The following PIK3R5 variants were observed in gnomAD, a reference collection of about 807,000 sequenced individuals.
The protein encoded by PIK3R5 is phosphoinositide 3-kinase regulatory subunit 5.
PIK3R5 carries 32 observed loss-of-function variants against 94.9 expected under a neutral mutation model. The observed-to-expected ratio is 0.34, with a 90% CI of 0.25 to 0.45. The LOEUF is 0.45. Ranked by LOEUF, PIK3R5 falls within the 20% of genes least tolerant of loss-of-function variation. The pLI is 1.00. For synonymous variants in PIK3R5, 443 were observed against 479.4 expected, an observed-to-expected ratio of 0.92 and a Z score of 0.99; for missense variants, 853 against 1,144.6, an observed-to-expected ratio of 0.75 and a Z score of 3.68.
At chr17:8,942,741 G>A (rs527913720) in intron 1 of PIK3R5, among the ~76,000 whole-genome samples, 3 of 152,156 alleles carry the variant, frequency 2.0e-5, no homozygotes, top group South Asian at 4.2e-4. Flanking sequence ...GAGTAGCTGG[G>A]ACTACAGGCG....
At position 8,903,457 on chromosome 17, in the gene PIK3R5, AT is replaced by A. The variant is rs559199387; in HGVS notation, c.412+1319del. Among the ~76,000 whole-genome samples, 300 of 150,400 alleles carry A rather than the reference AT, an allele frequency of 2.0e-3. 2 individuals are homozygous for A. The highest frequency in any genetic ancestry group is 3.5e-3 in the Middle Eastern group (1 of 286). ...GTGCATAAATAAATCTTTCAAATAG[AT>A]TTTTTTATTTTCTTTATATATAAAT... On this transcript the variant is annotated intron_variant, in intron 5 of 18. Transcript: ENST00000447110.
intron 3 of PIK3R5, among the ~76,000 whole-genome samples, chr17:8,906,035 A>G (rs1202782515): frequency 6.6e-6 from 1 of 152,108 alleles, no homozygotes; most frequent in East Asian, 1.9e-4. Flanking sequence ...CATGTGCAGA[A>G]CGGGCAGGTT....
In PIK3R5 at chr17:8,955,803, A is replaced by G. The variant is rs1000331733; in HGVS notation, c.-14+9793T>C. Among the ~76,000 whole-genome samples, 2 of 152,158 alleles carry G rather than the reference A, an allele frequency of 1.3e-5. No individual in the cohort carries two copies. The highest frequency in any genetic ancestry group is 1.3e-4 in the Admixed American group (2 of 15,272). ...GGCTGGGAGTCTGGTTTCAGCAGAG[A>G]CAGAAATGGGGAAGTCTGCACAGGA... is the stretch of plus-strand genomic sequence containing the variant. On this transcript the variant is annotated intron_variant, in intron 1 of 18. Coordinates refer to ENST00000447110, the MANE Select transcript of PIK3R5 (RefSeq NM_001142633.3). This position sits in a 1 kb window ranked among gnomAD's most constrained non-coding sequence, Gnocchi z 4.4.
At position 8,904,746 on chromosome 17, in the gene PIK3R5, T is replaced by C. The variant is rs1183490207; in HGVS notation, c.412+31A>G. 1.2e-6 allele frequency: 2 copies of C among 1,611,496 alleles called. No individual in the cohort carries two copies. Among genetic ancestry groups the C allele is most frequent in the African/African-American group, 2.7e-5 (2 of 74,876 alleles). On this transcript the variant is annotated intron_variant, in intron 5 of 18. Coordinates refer to ENST00000447110, the MANE Select transcript of PIK3R5 (RefSeq NM_001142633.3). This position sits in a 1 kb window ranked among gnomAD's most constrained non-coding sequence, Gnocchi z 5.1. The stretch of plus-strand genomic sequence containing the variant: ...GGAAGCATTCTGACCTTCTGAGCCC[T>C]GTCCCCCGTGCCAGCTGCCTCAGTG...
intron 1 of PIK3R5, among the ~76,000 whole-genome samples, chr17:8,965,380 A>G (rs1400240761): frequency 6.6e-6 from 1 of 152,172 alleles, no homozygotes. Context: ...ACGCCCCTTA[A>G]GTCTCTGGGG....
chr17:8,899,931 G>A (rs1381492846), intron 5 of PIK3R5, among the ~76,000 whole-genome samples: 5 of 152,040 alleles, frequency 3.3e-5, no homozygotes, highest in Non-Finnish European at 4.4e-5. Flanking sequence ...CCAGCTACTC[G>A]GGAAGCTGAG....
intron 1 of PIK3R5, among the ~76,000 whole-genome samples, chr17:8,937,956 C>T (rs1348361044): frequency 2.0e-5 from 3 of 152,110 alleles, no homozygotes; most frequent in African/African-American, 7.2e-5. Context: ...ATTACAGGCA[C>T]CTGCCACCAC....
At position 8,945,567 on chromosome 17, in the gene PIK3R5, C is replaced by T. The variant is rs1032302977; in HGVS notation, c.-14+20029G>A. 6.6e-6 allele frequency among the ~76,000 whole-genome samples: 1 copy of T among 152,144 alleles called. No individual in the cohort carries two copies. Among genetic ancestry groups the T allele is most frequent in the African/African-American group, 2.4e-5 (1 of 41,426 alleles). On this transcript the variant is annotated intron_variant, in intron 1 of 18. Transcript: ENST00000447110. This position sits in a 1 kb window ranked among gnomAD's most constrained non-coding sequence, Gnocchi z 4.0. Reference sequence around the variant, plus strand: ...CTGGGAGTTTCTGCTAGACAGGAGGCAAAGCAGACATCTCAAATCCACCGT... The same window carrying T: ...CTGGGAGTTTCTGCTAGACAGGAGGTAAAGCAGACATCTCAAATCCACCGT...
At chr17:8,883,779 C>G (rs1301247251) in intron 15 of PIK3R5, among the ~76,000 whole-genome samples, 1 of 152,186 alleles carries the variant, frequency 6.6e-6, no homozygotes, top group African/African-American at 2.4e-5. Context: ...ATGCCTACCA[C>G]CCACTCCAGG....
chr17:8,929,145 C>T (rs1275055932), intron 1 of PIK3R5, among the ~76,000 whole-genome samples: 2 of 152,228 alleles, frequency 1.3e-5, no homozygotes, highest in South Asian at 2.1e-4. Context: ...AAAGAATGTT[C>T]AGTTAGTCCA....
At chr17:8,900,305 A>G (rs2090251837) in intron 5 of PIK3R5, among the ~76,000 whole-genome samples, 1 of 152,158 alleles carries the variant, frequency 6.6e-6, no homozygotes, top group South Asian at 2.1e-4. Flanking sequence ...AGCTCATCTC[A>G]GTTTCTTGGA....
chr17:8,891,034 AG>A (rs2090011581), intron 6 of PIK3R5, 122 bp from the exon 7 acceptor site: 1 of 938,668 alleles, frequency 1.1e-6, no homozygotes, highest in South Asian at 1.6e-5. Context: ...AAGCCCAGGC[AG>A]AGCTCGAGGA....
rs994584101 is a variant in PIK3R5 at position 8,889,919 on chromosome 17, C to T, written c.811+54G>A. 1.9e-6 allele frequency: 3 copies of T among 1,599,816 alleles called. No homozygotes were observed. Among genetic ancestry groups the T allele is most frequent in the South Asian group, 2.2e-5 (2 of 90,752 alleles). ...CCCGCCTGGACCGTGCACCTTGGGACCTAGAATAGGCCATGGGGAATGTGG... is the reference window on the plus strand; with the variant it reads ...CCCGCCTGGACCGTGCACCTTGGGATCTAGAATAGGCCATGGGGAATGTGG... On this transcript the variant is annotated intron_variant, in intron 8 of 18. Transcript: ENST00000447110. The surrounding 1 kb of genome is among the most constrained non-coding windows in gnomAD (Gnocchi z 4.1).
intron 5 of PIK3R5, among the ~76,000 whole-genome samples, chr17:8,902,845 A>ATT (rs2090316312): frequency 8.8e-6 from 1 of 113,492 alleles, no homozygotes; most frequent in Non-Finnish European, 1.8e-5. Context: ...TTTTAGATAG[A>ATT]ATTTTTTTTT....
At chr17:8,894,656 TG>T (rs1567640819) in intron 5 of PIK3R5, among the ~76,000 whole-genome samples, 2 of 152,190 alleles carry the variant, frequency 1.3e-5, no homozygotes, top group Non-Finnish European at 2.9e-5. Flanking sequence ...CGCTTTACAG[TG>T]TGCATTCAGT....
chr17:8,946,439 C>T (rs536136397), intron 1 of PIK3R5, among the ~76,000 whole-genome samples: 2 of 151,948 alleles, frequency 1.3e-5, no homozygotes, highest in South Asian at 4.2e-4. Flanking sequence ...GGAGATGGCG[C>T]CGTCTGCCAG....
intron 12 of PIK3R5, 130 bp from the exon 13 acceptor site, chr17:8,886,735 A>C (rs1391846380): frequency 2.8e-6 from 3 of 1,057,328 alleles, no homozygotes; most frequent in Non-Finnish European, 4.1e-6. Context: ...GGTGAGGTGG[A>C]AGCAGGAAGC....
rs148129311 is a variant in PIK3R5 at position 8,880,727 on chromosome 17, G to T, written c.2555C>A (p.Thr852Lys). 3.1e-6 allele frequency: 5 copies of T among 1,613,844 alleles called. No homozygotes were observed. Among genetic ancestry groups the T allele is most frequent in the Non-Finnish European group, 4.2e-6 (5 of 1,179,904 alleles). ...GGCCTGGGCCGGCAGGTCAGGAGGC[G>T]TCTGGGGTGGTGAGGAGAGGTCGCT... ...EKSDLSSPPQ[T>K]PPDLPAQAAP... is the part of the protein sequence containing the mutation. The change falls in exon 19 of 19, where the codon ACG becomes AAG. Residue 852 changes from threonine (T) to lysine (K), a missense_variant. This residue lies in a region of PIK3R5 where 91 missense variants were observed against 90.5 expected (regional missense o/e 1.01). Transcript: ENST00000447110.
chr17:8,897,772 C>T (rs1311294995), intron 5 of PIK3R5, among the ~76,000 whole-genome samples: 1 of 152,084 alleles, frequency 6.6e-6, no homozygotes, highest in African/African-American at 2.4e-5. Flanking sequence ...ACATGATGGC[C>T]AGCACTCCAG....
Sources: gnomAD v4.1 joint callset for allele counts (sites outside exome capture counted in the v4.1 genomes callset) on GRCh38, gnomAD v4.1.1 for gene constraint, gnomAD v4.1.1 regional missense constraint, Gnocchi (gnomAD v3.1) non-coding constraint, MANE v1.5 for transcripts, NCBI Gene and HGNC (gene_info 2026-07-23, HGNC 2026-07-21) for gene names.